Variants in ZNF547 observed in about 807,000 individuals in gnomAD.
ZNF547 encodes the protein zinc finger protein 547.
ZNF547 carries 4 observed loss-of-function variants against 7.7 expected under a neutral mutation model. The observed-to-expected ratio is 0.52, with a 90% CI of 0.26 to 1.20. The LOEUF is 1.20. Ranked by LOEUF, ZNF547 falls within the 50% of genes most tolerant of loss-of-function variation. The pLI is 0.14. For synonymous variants in ZNF547, 166 were observed against 166.2 expected (o/e 1.00, Z 0.01); for missense variants, 449 against 485.8 (o/e 0.92, Z 0.71).
At chr19:57,375,661 C>CAAAAA (rs67290425) in intron 3 of ZNF547, among the ~76,000 whole-genome samples, 2 of 91,498 alleles carry the variant, frequency 2.2e-5, no homozygotes, top group African/African-American at 3.9e-5. Flanking sequence ...GAGTTTGTCT[C>CAAAAA]AAAAAAAAAA....
chr19:57,364,452 ATAGAGGGTGGC>A, intron 1 of ZNF547: 4 of 231,946 alleles, frequency 1.7e-5, no homozygotes, highest in South Asian at 1.3e-4. Flanking sequence ...CTTCAAAAGA[ATAGAGGGTGGC>A]CGGGCGTGGT....
chr19:57,364,915 G>A (rs1297675348), intron 1 of ZNF547: 2 of 1,612,604 alleles, frequency 1.2e-6, no homozygotes, highest in Non-Finnish European at 1.7e-6. Context: ...AGCTGGGAAG[G>A]CAGAATCCAA....
At position 57,378,396 on chromosome 19, in the gene ZNF547, C is replaced by G. The variant is rs2088553251; in HGVS notation, c.*211C>G. ...GACATTATTTTGGTTTGACTCTCAT[C>G]TCATTAGACATTGGAGAGTTTACAC... is the stretch of plus-strand genomic sequence containing the variant. On this transcript the variant is annotated 3_prime_UTR_variant, in exon 4 of 4. Transcript: ENST00000282282. 1.4e-6 allele frequency: 1 copy of G among 707,018 alleles called. No homozygotes were observed. The highest frequency in any genetic ancestry group is 1.5e-5 in the South Asian group (1 of 66,942). 43.8% of individuals were successfully genotyped at this position (707,018 alleles called of 1,614,324 possible).
At chr19:57,365,631 G>A (rs1035843670) in intron 1 of ZNF547, among the ~76,000 whole-genome samples, 21 of 149,028 alleles carry the variant, frequency 1.4e-4, no homozygotes, top group African/African-American at 5.0e-4. Context: ...TCAGCCTCCC[G>A]AGTAGCTGGG....
At chr19:57,372,391 G>A (rs1263891252) in intron 3 of ZNF547, among the ~76,000 whole-genome samples, 2 of 152,202 alleles carry the variant, frequency 1.3e-5, no homozygotes, top group Non-Finnish European at 2.9e-5. Flanking sequence ...GGAATGTGCT[G>A]TCTTGTCTCT....
intron 1 of ZNF547, chr19:57,365,328 C>G (rs2088459611): frequency 9.6e-7 from 1 of 1,041,582 alleles, no homozygotes; most frequent in Non-Finnish European, 1.4e-6. Flanking sequence ...TTGTAAATTA[C>G]TTGATTAAAT....
At chr19:57,376,499 GA>G (rs2088537182) in intron 3 of ZNF547, among the ~76,000 whole-genome samples, 1 of 152,182 alleles carries the variant, frequency 6.6e-6, no homozygotes, top group Admixed American at 6.5e-5. Flanking sequence ...AAGTTTTGCA[GA>G]GCTTATATAC....
chr19:57,370,039 C>T (rs781517485), intron 2 of ZNF547, among the ~76,000 whole-genome samples: 2 of 151,374 alleles, frequency 1.3e-5, no homozygotes, highest in Non-Finnish European at 2.9e-5. Flanking sequence ...ACGACAGACT[C>T]ACCCCACTAC....
rs1231551796 is a variant in ZNF547, at chr19:57,378,799, C to T, written c.*614C>T. The T allele has an allele frequency of 4.5e-6, 2 of 443,594 alleles. No homozygotes were observed. The highest frequency in any genetic ancestry group is 2.7e-5 in the Admixed American group (1 of 37,324). The allele number at this position is 443,594 out of a possible 1,614,324, so 27.5% of individuals were successfully genotyped here. ...ATTGTTGAGCAAAGAATATCCTGAA[C>T]TCTTTATCTTGTAAAATGAAACTCT... On this transcript the variant is annotated 3_prime_UTR_variant, in exon 4 of 4. Coordinates refer to ENST00000282282, the MANE Select transcript of ZNF547 (RefSeq NM_173631.4).
At chr19:57,371,750 T>C (rs1312277348) in intron 2 of ZNF547, 32 bp from the exon 3 acceptor site, 1 of 1,590,322 alleles carries the variant, frequency 6.3e-7, no homozygotes. Context: ...TTTGAAAAGC[T>C]GCTCATGTAT....
chr19:57,370,144 G>A (rs1350365737), intron 2 of ZNF547, among the ~76,000 whole-genome samples: 1 of 152,008 alleles, frequency 6.6e-6, no homozygotes, highest in Non-Finnish European at 1.5e-5. Context: ...ATCCTCCTCA[G>A]CCTCCCAAAG....
In ZNF547 at chr19:57,378,633, G is replaced by A. The variant is rs2088554975; in HGVS notation, c.*448G>A. 4 of 354,376 alleles carry A rather than the reference G, an allele frequency of 1.1e-5. No individual in the cohort carries two copies. The highest frequency in any genetic ancestry group is 2.2e-5 in the Non-Finnish European group (4 of 181,616). 22.0% of individuals were successfully genotyped at this position (354,376 alleles called of 1,614,324 possible). A position where few individuals can be genotyped will look rare whatever the true frequency, so the allele number is the denominator to read the frequency against. Reference sequence around the variant, plus strand: ...GTGCCTTGAATGTAGCCAAAATGACGAACAACACCCAGAAATCTGTGATTT... The same window carrying A: ...GTGCCTTGAATGTAGCCAAAATGACAAACAACACCCAGAAATCTGTGATTT... On this transcript the variant is annotated 3_prime_UTR_variant, in exon 4 of 4. Transcript: ENST00000282282.
rs767341747 is a variant in ZNF547 at position 57,377,539 on chromosome 19, A to T, written c.563A>T (p.Lys188Ile). 6.2e-7 allele frequency: 1 copy of T among 1,614,118 alleles called. No individual in the cohort carries two copies. Among genetic ancestry groups the T allele is most frequent in the Non-Finnish European group, 8.5e-7 (1 of 1,180,036 alleles). The change falls in exon 4 of 4, where the codon AAA becomes ATA. Residue 188 changes from lysine to isoleucine, a missense_variant. Lys to Ile is a moderately radical substitution (Grantham distance 102). Coordinates refer to ENST00000282282, the MANE Select transcript of ZNF547 (RefSeq NM_173631.4). Reference sequence around the variant, plus strand: ...GGAGAAAGAACTTATAAGTGCAGCAAATGTGGGATATTGTTTATGGAAAGG... The same window carrying T: ...GGAGAAAGAACTTATAAGTGCAGCATATGTGGGATATTGTTTATGGAAAGG... ...HTGERTYKCS[K>I]CGILFMERST...
chr19:57,373,652 G>T (rs1338691309), intron 3 of ZNF547, among the ~76,000 whole-genome samples: 3 of 152,172 alleles, frequency 2.0e-5, no homozygotes, highest in Non-Finnish European at 4.4e-5. Flanking sequence ...CTGGATAAAT[G>T]TACCTATTCC....
At chr19:57,369,056 AT>A (rs1260850834) in intron 2 of ZNF547, among the ~76,000 whole-genome samples, 3 of 152,278 alleles carry the variant, frequency 2.0e-5, no homozygotes, top group Admixed American at 2.0e-4. Context: ...GATGGGGAAG[AT>A]TTGAAGCAGA....
chr19:57,367,027 A>T (rs2088475119), intron 1 of ZNF547, among the ~76,000 whole-genome samples: 1 of 152,220 alleles, frequency 6.6e-6, no homozygotes, highest in Non-Finnish European at 1.5e-5. Flanking sequence ...GGCCACAGTG[A>T]AGTGTGTTGC....
chr19:57,368,663 A>G (rs1216819386), intron 2 of ZNF547, 84 bp downstream of exon 2: 29 of 1,330,566 alleles, frequency 2.2e-5, no homozygotes, highest in Middle Eastern at 3.6e-4. Flanking sequence ...AGTGGTGTCC[A>G]GAGACTCTCT....
rs2088505435 is a variant in ZNF547, at chr19:57,371,718, T to TA, written c.25-63dup. The TA allele has an allele frequency of 7.1e-6, 11 of 1,547,218 alleles. No individual in the cohort carries two copies. In the South Asian group the frequency reaches 1.4e-4, roughly 19 times the overall value. ...GTGGTAAATATAAGTAGAAAATAAA[T>TA]AGAGAACTTAAGTAAATACAGTTTG... is the stretch of plus-strand genomic sequence containing the variant. On this transcript the variant is annotated intron_variant, in intron 2 of 3. Coordinates refer to ENST00000282282, the MANE Select transcript of ZNF547 (RefSeq NM_173631.4).
rs757371071 is a variant in ZNF547 at position 57,368,587 on chromosome 19, G to C, written c.24+8G>C. ...GAAATGAACCCTGCACAGGTGAGTG[G>C]AGTGTTTTCTACCTTTCACCTACCA... On this transcript the variant is annotated splice_region_variant and intron_variant, in intron 2 of 3. Transcript: ENST00000282282. 1.9e-6 allele frequency: 3 copies of C among 1,614,068 alleles called. No homozygotes were observed. The South Asian group carries it at 3.3e-5, about 18-fold the overall frequency.
Sources: allele counts gnomAD v4.1 joint callset (sites outside exome capture counted in the v4.1 genomes callset), GRCh38; gene constraint gnomAD v4.1.1; transcripts MANE v1.5; gene names NCBI Gene and HGNC (gene_info 2026-07-23, HGNC 2026-07-21).